Variants in STXBP5L observed in about 807,000 individuals in gnomAD.
STXBP5L encodes the protein syntaxin binding protein 5L, also known as syntaxin-binding protein 5-like.
In STXBP5L, 65 loss-of-function variants were observed where a neutral mutation model predicts 144.5. That is an observed-to-expected ratio of 0.45 (90% confidence interval 0.37 to 0.55). STXBP5L has a LOEUF of 0.55. Ranked by LOEUF, STXBP5L falls within the 20% of genes least tolerant of loss-of-function variation. The pLI, the probability that STXBP5L is intolerant of heterozygous loss-of-function variation, is 0.00. For missense variants in STXBP5L, 1,298 were observed against 1,405.5 expected (o/e 0.92, Z 1.22); for synonymous variants, 505 against 469.6 (o/e 1.08, Z -0.97).
Position 121,336,518 on chromosome 3 carries a change from C to A in STXBP5L, c.2176+17978C>A, listed in dbSNP as rs145874431. On this transcript the variant is annotated intron_variant, in intron 20 of 26. Coordinates refer to ENST00000471454, the MANE Select transcript of STXBP5L (RefSeq NM_001308330.2). ...TCAAAAAAACCAGCCAACCAACCAA[C>A]CAAACAAACAAACAAACAAAAAAAT... 1.7e-3 allele frequency among the ~76,000 whole-genome samples: 264 copies of A among 151,826 alleles called. 1 individual carries two copies. Among genetic ancestry groups the A allele is most frequent in the African/African-American group, 5.7e-3 (237 of 41,398 alleles).
chr3:121,057,329 C>CA (rs1376159138), intron 5 of STXBP5L, among the ~76,000 whole-genome samples: 1 of 151,808 alleles, frequency 6.6e-6, no homozygotes, highest in Non-Finnish European at 1.5e-5. Flanking sequence ...TTTATATAGA[C>CA]TTTCCCTATT....
chr3:121,342,805 A>G (rs945539440), intron 20 of STXBP5L, among the ~76,000 whole-genome samples: 11 of 147,740 alleles, frequency 7.4e-5, no homozygotes, highest in Non-Finnish European at 1.5e-4. Context: ...CACAATAAAC[A>G]TACATGTGCA....
At chr3:121,150,977 A>G (rs2045911242) in intron 7 of STXBP5L, among the ~76,000 whole-genome samples, 1 of 152,088 alleles carries the variant, frequency 6.6e-6, no homozygotes, top group Non-Finnish European at 1.5e-5. Context: ...AATCCCAGCT[A>G]TTCAGGAGGC....
At chr3:121,026,915 C>T (rs1945990582) in intron 3 of STXBP5L, among the ~76,000 whole-genome samples, 1 of 151,774 alleles carries the variant, frequency 6.6e-6, no homozygotes, top group Non-Finnish European at 1.5e-5. Flanking sequence ...AAGCAGCCCT[C>T]ACTTCCATAA....
At chr3:121,089,500 T>G (rs1436105785) in intron 5 of STXBP5L, among the ~76,000 whole-genome samples, 1 of 145,184 alleles carries the variant, frequency 6.9e-6, no homozygotes, top group Non-Finnish European at 1.5e-5. Context: ...AGTTAAGGTG[T>G]TGTTTTTTCT....
At chr3:121,377,034 A>G (rs1227705906) in intron 20 of STXBP5L, among the ~76,000 whole-genome samples, 1 of 152,014 alleles carries the variant, frequency 6.6e-6, no homozygotes, top group East Asian at 1.9e-4. Flanking sequence ...CTGTTTGTCT[A>G]TTATTGGTGT....
At chr3:121,115,204 C>T (rs1010202094) in intron 6 of STXBP5L, 145 bp downstream of exon 6, 3 of 768,148 alleles carry the variant, frequency 3.9e-6, no homozygotes, top group Non-Finnish European at 5.8e-6. Context: ...AACTTAAAGC[C>T]ATAAAAGCTT....
chr3:121,323,051 G>T (rs1248998406), intron 20 of STXBP5L, among the ~76,000 whole-genome samples: 1 of 152,008 alleles, frequency 6.6e-6, no homozygotes, highest in Non-Finnish European at 1.5e-5. Context: ...TTTGTTTTGT[G>T]CTTGTTGAAT....
At chr3:121,404,693 C>T (rs553579100) in intron 22 of STXBP5L, among the ~76,000 whole-genome samples, 1 of 152,166 alleles carries the variant, frequency 6.6e-6, no homozygotes, top group South Asian at 2.1e-4. Context: ...TTGCCAGTTT[C>T]GATGCTGATA....
At chr3:121,352,576 T>A (rs974155054) in intron 20 of STXBP5L, among the ~76,000 whole-genome samples, 1 of 152,110 alleles carries the variant, frequency 6.6e-6, no homozygotes, top group Non-Finnish European at 1.5e-5. Flanking sequence ...GATAAGGAGA[T>A]TTTGGGCTGA....
intron 20 of STXBP5L, among the ~76,000 whole-genome samples, chr3:121,353,077 G>A (rs760074302): frequency 5.9e-5 from 9 of 152,124 alleles, no homozygotes; most frequent in Non-Finnish European, 1.0e-4. Flanking sequence ...TGCTGGATTC[G>A]GTTTGCCAGT....
At chr3:121,231,653 T>C (rs529197993) in intron 11 of STXBP5L, among the ~76,000 whole-genome samples, 19 of 152,262 alleles carry the variant, frequency 1.2e-4, no homozygotes, top group African/African-American at 3.4e-4. Context: ...GAGATATATA[T>C]ATTTTGGGTC....
At chr3:121,176,448 C>A (rs1269061575) in intron 9 of STXBP5L, among the ~76,000 whole-genome samples, 1 of 113,454 alleles carries the variant, frequency 8.8e-6, no homozygotes, top group African/African-American at 3.3e-5. Context: ...AAAGAGAGTT[C>A]TTTGAAAAGG....
intron 19 of STXBP5L, among the ~76,000 whole-genome samples, chr3:121,288,593 A>T (rs563140246): frequency 3.0e-4 from 45 of 152,000 alleles, no homozygotes; most frequent in Non-Finnish European, 5.2e-4. Context: ...TAATGATTGG[A>T]GGTGTTGAGC....
chr3:120,982,982 G>A (rs1296555050), intron 3 of STXBP5L, among the ~76,000 whole-genome samples: 2 of 152,224 alleles, frequency 1.3e-5, no homozygotes, highest in East Asian at 3.9e-4. Context: ...AGGCAGGGTG[G>A]CTGTGCTGTG....
intron 19 of STXBP5L, among the ~76,000 whole-genome samples, chr3:121,299,331 G>A (rs1211588795): frequency 2.6e-5 from 4 of 152,016 alleles, no homozygotes; most frequent in Non-Finnish European, 4.4e-5. Flanking sequence ...TGAGGATAAA[G>A]GTTTCATATT....
intron 20 of STXBP5L, among the ~76,000 whole-genome samples, chr3:121,327,134 C>T (rs2044174032): frequency 6.6e-6 from 1 of 152,092 alleles, no homozygotes; most frequent in Admixed American, 6.6e-5. Flanking sequence ...CTGCACTATC[C>T]ATTGACTTTG....
Position 121,242,087 on chromosome 3 carries a change from T to C in STXBP5L, c.1400+1580T>C, listed in dbSNP as rs191015458. ...GCAAAATCAAGATCAAAATCTATCA[T>C]TTCCAGATGCAATAAACTAAAAGAA... On this transcript the variant is annotated intron_variant, in intron 14 of 26. Transcript: ENST00000471454. Among the ~76,000 whole-genome samples the C allele has an allele frequency of 2.6e-3, 400 of 152,212 alleles. 1 individual carries two copies. Among genetic ancestry groups the C allele is most frequent in the African/African-American group, 9.0e-3 (372 of 41,542 alleles).
intron 3 of STXBP5L, among the ~76,000 whole-genome samples, chr3:121,004,812 G>T (rs1330865774): frequency 6.6e-6 from 1 of 152,170 alleles, no homozygotes; most frequent in Non-Finnish European, 1.5e-5. Context: ...AGATAATCAT[G>T]TGGGTTTTGT....
Sources: gnomAD v4.1 joint callset for allele counts (sites outside exome capture counted in the v4.1 genomes callset) on GRCh38, gnomAD v4.1.1 for gene constraint, MANE v1.5 for transcripts, NCBI Gene and HGNC (gene_info 2026-07-23, HGNC 2026-07-21) for gene names.